HR: variants seen among roughly 807,000 people sequenced by gnomAD.
The protein encoded by HR is lysine-specific demethylase hairless.
In HR, 83 loss-of-function variants were observed where a neutral mutation model predicts 128.6. The ratio of observed to expected loss-of-function variants is 0.65; its 90% CI spans 0.54 to 0.77. The LOEUF is 0.77. Among genes scored for constraint, HR ranks in the 30% least tolerant of loss-of-function variants. HR has a pLI of 0.00. For synonymous variants in HR, 681 were observed against 658.2 expected (o/e 1.03, Z -0.53); for missense variants, 1,490 against 1,574.6 (o/e 0.95, Z 0.91).
intron 5 of HR, among the ~76,000 whole-genome samples, chr8:22,125,059 C>T (rs1826849193): frequency 6.6e-6 from 1 of 152,228 alleles, no homozygotes; most frequent in African/African-American, 2.4e-5. Context: ...ACCCCCAAGC[C>T]CTCAGGAGCT....
In HR at chr8:22,127,248, A is replaced by G. The variant is rs760201222; in HGVS notation, c.1194T>C (p.Pro398=). The G allele has an allele frequency of 6.2e-7, 1 of 1,613,100 alleles. No individual in the cohort carries two copies. The highest frequency in any genetic ancestry group is 1.1e-5 in the South Asian group (1 of 91,076). ...GAGCAACCGGCCTCTCCTCGACCTC[A>G]GGGCAGCCGCGTGGACATTCAAACT... ...SEQFECPRGC[P]EVEERPVARL... Residue 398 remains proline, a synonymous_variant, in exon 3 of 19, where the codon CCT becomes CCC. Transcript: ENST00000381418.
chr8:22,126,492 G>T (rs1317041086), intron 3 of HR, among the ~76,000 whole-genome samples: 1 of 152,210 alleles, frequency 6.6e-6, no homozygotes, highest in Non-Finnish European at 1.5e-5. Context: ...CATTCCTGGC[G>T]CAGGACAAGG....
chr8:22,119,260 G>A lies in HR; in HGVS notation c.3001C>T (p.Leu1001=), dbSNP rs1281638432. The part of the protein sequence containing the change: ...AYGVSPHRGH[L]GTKNLCVEVA... ...TCCACACAGAGGTTCTTGGTCCCCA[G>A]GTGTCCCCGGTGCGGGCTCACACCT... The change falls in exon 15 of 19, where the codon CTG becomes TTG. Residue 1001 remains leucine, a synonymous_variant. Transcript: ENST00000381418. 2.5e-6 allele frequency: 4 copies of A among 1,613,740 alleles called. No homozygotes were observed. Among genetic ancestry groups the A allele is most frequent in the Admixed American group, 3.3e-5 (2 of 60,024 alleles).
chr8:22,125,522 G>A lies in HR; in HGVS notation c.1557-18C>T. The A allele has an allele frequency of 6.2e-7, 1 of 1,613,190 alleles. No homozygotes were observed. Among genetic ancestry groups the A allele is most frequent in the South Asian group, 1.1e-5 (1 of 90,896 alleles). On this transcript the variant is annotated intron_variant, in intron 4 of 18. Transcript: ENST00000381418. ...GAGGCGATCTGGAGAGAGGGCAGGGGGAGGTGAGCAGGGAGCCCTGGCGAG... is the reference window on the plus strand; with the variant it reads ...GAGGCGATCTGGAGAGAGGGCAGGGAGAGGTGAGCAGGGAGCCCTGGCGAG...
At chr8:22,127,964 C>T in intron 2 of HR, 135 bp from the exon 3 acceptor site, 1 of 911,140 alleles carries the variant, frequency 1.1e-6, no homozygotes. Context: ...CAGCACTGCC[C>T]TAGGTCTCTG....
chr8:22,121,342 G>C (rs1841101056), intron 9 of HR, 114 bp from the exon 10 acceptor site: 2 of 1,364,714 alleles, frequency 1.5e-6, no homozygotes, highest in African/African-American at 2.9e-5. Context: ...ACTCTCCCCA[G>C]CCAGCATCCC....
chr8:22,130,102 G>A (rs1411163082), intron 1 of HR, among the ~76,000 whole-genome samples: 1 of 152,246 alleles, frequency 6.6e-6, no homozygotes, highest in Non-Finnish European at 1.5e-5. Flanking sequence ...CCAGAGAGAG[G>A]CAAGGGAGGG....
chr8:22,128,282 A>G, intron 2 of HR: 2 of 568,116 alleles, frequency 3.5e-6, no homozygotes, highest in South Asian at 2.0e-5. Context: ...CAAGCCACAC[A>G]TTCCAAGGCC....
At chr8:22,125,269 C>A in intron 5 of HR, 42 bp downstream of exon 5, 1 of 1,540,780 alleles carries the variant, frequency 6.5e-7, no homozygotes, top group Non-Finnish European at 8.8e-7. Flanking sequence ...CCTGGGGCTC[C>A]CCACACAGAG....
Position 22,121,606 on chromosome 8 carries a change from C to CG in HR, c.2203+6dup, listed in dbSNP as rs371109789. The stretch of plus-strand genomic sequence containing the variant: ...GCACAGGCCGAGGGGCAAGAGGAGC[C>CG]GCTCACCCTCTTTGATGCTCTTGGT... On this transcript the variant is annotated splice_region_variant and intron_variant, in intron 9 of 18. Coordinates refer to ENST00000381418, the MANE Select transcript of HR (RefSeq NM_005144.5). The CG allele has an allele frequency of 1.2e-4, 186 of 1,613,762 alleles. 1 individual carries two copies. In the African/African-American group the frequency reaches 2.2e-3, roughly 19 times the overall value.
Position 22,127,635 on chromosome 8 carries a change from C to T in HR, c.807G>A (p.Gly269=), listed in dbSNP as rs975984957. 1.7e-5 allele frequency: 27 copies of T among 1,609,798 alleles called. No individual in the cohort carries two copies. The highest frequency in any genetic ancestry group is 2.0e-5 in the Non-Finnish European group (23 of 1,178,906). ...RQQNPCPLFL[G]QPDTVPWTSW... Reference sequence around the variant, plus strand: ...AGGTCCAGGGCACAGTGTCTGGCTGCCCCAGGAAGAGCGGGCAAGGATTCT... The same window carrying T: ...AGGTCCAGGGCACAGTGTCTGGCTGTCCCAGGAAGAGCGGGCAAGGATTCT... The change falls in exon 3 of 19, where the codon GGG becomes GGA. Residue 269 remains glycine (G), a synonymous_variant. Transcript: ENST00000381418.
At position 22,127,287 on chromosome 8, in the gene HR, T is replaced by A; in HGVS notation, c.1155A>T (p.Thr385=). ...GACATTCAAACTGCTCCGAGTGCCGTGTGAGCCATGTCTTCTTCAGCTTGG... is the reference window on the plus strand; with the variant it reads ...GACATTCAAACTGCTCCGAGTGCCGAGTGAGCCATGTCTTCTTCAGCTTGG... ...HHTKLKKTWL[T]RHSEQFECPR... is the part of the protein sequence containing the mutation. The change falls in exon 3 of 19, where the codon ACA becomes ACT. Residue 385 remains threonine (T), a synonymous_variant. Transcript: ENST00000381418. 6.2e-7 allele frequency: 1 copy of A among 1,613,290 alleles called. No individual in the cohort carries two copies. The highest frequency in any genetic ancestry group is 1.7e-5 in the Admixed American group (1 of 60,028).
At position 22,128,856 on chromosome 8, in the gene HR, G is replaced by A. The variant is rs760446399; in HGVS notation, c.315C>T (p.Thr105=). 1.9e-6 allele frequency: 3 copies of A among 1,613,436 alleles called. No individual in the cohort carries two copies. Among genetic ancestry groups the A allele is most frequent in the Admixed American group, 3.3e-5 (2 of 60,022 alleles). The change falls in exon 2 of 19, where the codon ACC becomes ACT. Residue 105 remains threonine (T), a synonymous_variant. Transcript: ENST00000381418. ...EGLRWKEAML[T]HPLAFCGPAC... is the part of the protein sequence containing the mutation. ...CTGGCCCGCAGAATGCCAGCGGATG[G>A]GTAAGCATGGCCTCCTTCCAGCGCA...
In HR at chr8:22,119,633, A is replaced by G. The variant is rs1826683239; in HGVS notation, c.2977+127T>C. ...AACAACAACAAAAAAAAAAAAAAAG[A>G]AAGAAAGAAATGGAATCAGAGAAGC... On this transcript the variant is annotated intron_variant, in intron 14 of 18. Transcript: ENST00000381418. The G allele has an allele frequency of 8.3e-6, 10 of 1,202,726 alleles. No individual in the cohort carries two copies. In the East Asian group the frequency reaches 2.6e-4, roughly 31 times the overall value. 74.5% of individuals were successfully genotyped at this position (1,202,726 alleles called of 1,614,324 possible).
At chr8:22,126,982 CAG>C in intron 3 of HR, 53 bp downstream of exon 3, 15 of 1,526,466 alleles carry the variant, frequency 9.8e-6, no homozygotes, top group East Asian at 2.2e-5. Context: ...TGCGAAGCCC[CAG>C]CCCCGGCTGC....
At chr8:22,118,429 A>G (rs979641214) in intron 16 of HR, 5 of 162,828 alleles carry the variant, frequency 3.1e-5, no homozygotes, top group African/African-American at 1.2e-4. Flanking sequence ...CATCTCCTCC[A>G]GGCAGTCTCC....
At position 22,115,319 on chromosome 8, in the gene HR, C is replaced by T. The variant is rs1225914162; in HGVS notation, c.*381G>A. 1.6e-5 allele frequency: 6 copies of T among 363,792 alleles called. No homozygotes were observed. The highest frequency in any genetic ancestry group is 8.5e-4 in the Middle Eastern group (1 of 1,172). 22.5% of individuals were successfully genotyped at this position (363,792 alleles called of 1,614,324 possible). On this transcript the variant is annotated 3_prime_UTR_variant, in exon 19 of 19. Transcript: ENST00000381418. ...AGCTGGGGCAGTAGAGTGGGCTCAG[C>T]GGGAGTGAGCAGCAGGAGGAGGTGT...
intron 6 of HR, 141 bp from the exon 7 acceptor site, chr8:22,123,020 C>T: frequency 1.3e-6 from 1 of 755,894 alleles, no homozygotes; most frequent in East Asian, 2.7e-5. Flanking sequence ...ACCTGGGTCA[C>T]ATAGAGACAC....
In HR at chr8:22,122,568, G is replaced by T; in HGVS notation, c.2046C>A (p.Val682=). Residue 682 remains valine, a synonymous_variant, in exon 8 of 19, where the codon GTC becomes GTA. Coordinates refer to ENST00000381418, the MANE Select transcript of HR (RefSeq NM_005144.5). ...ELSTAMHQVW[V]KFDIRGHCPC... ...GGCAGTGCCCCCGGATATCAAACTT[G>T]ACCCAGACCTGGTGCATTGCAGTGC... The T allele has an allele frequency of 6.2e-7, 1 of 1,612,262 alleles. No individual in the cohort carries two copies. The highest frequency in any genetic ancestry group is 1.1e-5 in the South Asian group (1 of 90,864).
Sources: allele counts gnomAD v4.1 joint callset (sites outside exome capture counted in the v4.1 genomes callset), GRCh38; gene constraint gnomAD v4.1.1; transcripts MANE v1.5; gene names NCBI Gene and HGNC (gene_info 2026-07-23, HGNC 2026-07-21).